DTD1: variants seen among roughly 807,000 people sequenced by gnomAD.
DTD1 encodes D-aminoacyl-tRNA deacylase 1.
A neutral mutation model predicts 25.6 loss-of-function variants in DTD1; 13 were observed. The observed-to-expected ratio is 0.51, with a 90% CI of 0.33 to 0.81. DTD1 has a LOEUF of 0.81. Among genes scored for constraint, DTD1 ranks in the 30% least tolerant of loss-of-function variants. DTD1 has a pLI of 0.02. For missense variants in DTD1, 193 were observed against 266.4 expected (o/e 0.72, Z 1.92); for synonymous variants, 110 against 103.6 (o/e 1.06, Z -0.37).
chr20:18,627,658 C>T (rs571267379), intron 3 of DTD1, among the ~76,000 whole-genome samples: 1 of 152,300 alleles, frequency 6.6e-6, no homozygotes, highest in Admixed American at 6.5e-5. Flanking sequence ...CCCACTGTGA[C>T]CCGGGTTTTG....
At chr20:18,712,725 C>T (rs921183965) in intron 4 of DTD1, among the ~76,000 whole-genome samples, 1 of 152,222 alleles carries the variant, frequency 6.6e-6, no homozygotes, top group African/African-American at 2.4e-5. Context: ...GATCCACAAG[C>T]TTACCGGATA....
intron 3 of DTD1, among the ~76,000 whole-genome samples, chr20:18,619,285 A>G (rs958927230): frequency 5.9e-5 from 9 of 152,162 alleles, no homozygotes; most frequent in Admixed American, 6.6e-5. Flanking sequence ...TGGGTAGACA[A>G]TTTTGATCCC....
chr20:18,661,808 G>A (rs898374979), intron 4 of DTD1, among the ~76,000 whole-genome samples: 2 of 152,202 alleles, frequency 1.3e-5, no homozygotes, highest in African/African-American at 2.4e-5. Context: ...AGGAAACGGA[G>A]AAAAGGCTGA....
intron 2 of DTD1, 60 bp from the exon 3 acceptor site, chr20:18,595,946 G>A (rs2060609203): frequency 1.4e-6 from 2 of 1,443,774 alleles, no homozygotes; most frequent in Admixed American, 1.7e-5. Flanking sequence ...TTTGGGGTAT[G>A]GAGTGTGTTG....
At chr20:18,717,263 A>T (rs960455153) in intron 4 of DTD1, among the ~76,000 whole-genome samples, 2 of 152,228 alleles carry the variant, frequency 1.3e-5, no homozygotes, top group Non-Finnish European at 2.9e-5. Context: ...TCACCATAGT[A>T]GTAACAGGAA....
rs764259714 is a variant in DTD1 at position 18,763,714 on chromosome 20, C to G, written c.*374C>G. The G allele has an allele frequency of 6.6e-6, 1 of 152,510 alleles. No individual in the cohort carries two copies. The highest frequency in any genetic ancestry group is 2.4e-5 in the African/African-American group (1 of 41,448). The allele number at this position is 152,510 out of a possible 1,614,324, so 9.4% of individuals were successfully genotyped here. A position where few individuals can be genotyped will look rare whatever the true frequency, so the allele number is the denominator to read the frequency against. ...ATCAAGTCCACTGTGGTGTATTCTG[C>G]GTGTCCATGGCGGGGGTTCTCCAAT... On this transcript the variant is annotated 3_prime_UTR_variant, in exon 6 of 6. Transcript: ENST00000377452.
In DTD1 at chr20:18,749,347, G is replaced by C. The variant is rs117938007; in HGVS notation, c.*19+5076G>C. On this transcript the variant is annotated intron_variant, in intron 5 of 5. Transcript: ENST00000377452. This position sits in a 1 kb window ranked among gnomAD's most constrained non-coding sequence, Gnocchi z 4.2. ...TCAGCATCGCCGTGGGGTGGGGAAGGCTCCAGAGGGTGTTCTCTGCCTGGT... is the reference window on the plus strand; with the variant it reads ...TCAGCATCGCCGTGGGGTGGGGAAGCCTCCAGAGGGTGTTCTCTGCCTGGT... Among the ~76,000 whole-genome samples, 488 of 152,302 alleles carry C rather than the reference G, an allele frequency of 3.2e-3. 3 individuals are homozygous for C. Among genetic ancestry groups the C allele is most frequent in the Non-Finnish European group, 4.2e-3 (287 of 68,024 alleles).
intron 5 of DTD1, among the ~76,000 whole-genome samples, chr20:18,760,938 G>C (rs920198877): frequency 6.6e-6 from 1 of 152,128 alleles, no homozygotes; most frequent in East Asian, 1.9e-4. Flanking sequence ...GCAATGGTGG[G>C]CGCCCCTCCC....
chr20:18,730,089 A>G (rs558017354), intron 4 of DTD1, among the ~76,000 whole-genome samples: 16 of 152,222 alleles, frequency 1.1e-4, no homozygotes, highest in African/African-American at 3.9e-4. Context: ...ATGCTTTTTA[A>G]TGATGAAGAG....
intron 5 of DTD1, among the ~76,000 whole-genome samples, chr20:18,745,801 A>T (rs919310758): frequency 1.3e-5 from 2 of 152,132 alleles, no homozygotes; most frequent in African/African-American, 4.8e-5. Context: ...ACCCTGAGGA[A>T]TTTGGATTTT....
chr20:18,726,131 G>A (rs2061221586), intron 4 of DTD1, among the ~76,000 whole-genome samples: 1 of 152,216 alleles, frequency 6.6e-6, no homozygotes, highest in South Asian at 2.1e-4. Context: ...TTAGGGATGT[G>A]TCTGAATTTA....
chr20:18,659,527 A>G (rs1382017919), intron 4 of DTD1, among the ~76,000 whole-genome samples: 1 of 152,186 alleles, frequency 6.6e-6, no homozygotes, highest in African/African-American at 2.4e-5. Context: ...TAATTTTTTA[A>G]ATGTTGTCTT....
chr20:18,755,994 T>G (rs1368347469), intron 5 of DTD1, among the ~76,000 whole-genome samples: 2 of 152,072 alleles, frequency 1.3e-5, no homozygotes, highest in Non-Finnish European at 2.9e-5. Context: ...CTCATTGTGG[T>G]TTTGATTTGC....
chr20:18,751,725 C>T (rs1036347250), intron 5 of DTD1, among the ~76,000 whole-genome samples: 2 of 151,962 alleles, frequency 1.3e-5, no homozygotes, highest in Non-Finnish European at 2.9e-5. Context: ...AACTGCTGGC[C>T]GCAAGTGATC....
At chr20:18,588,224 C>G in intron 1 of DTD1, 109 bp downstream of exon 1, 1 of 1,034,514 alleles carries the variant, frequency 9.7e-7, no homozygotes. Context: ...GCGGCCCCTC[C>G]GCGAGCCTGG....
chr20:18,662,174 C>T (rs1267237697), intron 4 of DTD1, among the ~76,000 whole-genome samples: 1 of 152,102 alleles, frequency 6.6e-6, no homozygotes, highest in African/African-American at 2.4e-5. Flanking sequence ...TGTGAAAAGA[C>T]GTTCAGTTTT....
rs117305481 is a variant in DTD1, at chr20:18,625,308, A to G, written c.371-2819A>G. ...GGGCCTGTAATACACCCATTTGCTGACAAAACAGATATTTTCACCACCAAG... is the reference window on the plus strand; with the variant it reads ...GGGCCTGTAATACACCCATTTGCTGGCAAAACAGATATTTTCACCACCAAG... On this transcript the variant is annotated intron_variant, in intron 3 of 5. Transcript: ENST00000377452. 5.3e-5 allele frequency among the ~76,000 whole-genome samples: 8 copies of G among 152,372 alleles called. No homozygotes were observed. In the East Asian group the frequency reaches 1.4e-3, roughly 26 times the overall value.
In DTD1 at chr20:18,598,731, G is replaced by A. The variant is rs140003545; in HGVS notation, c.370+2490G>A. Among the ~76,000 whole-genome samples the A allele has an allele frequency of 6.0e-3, 905 of 150,000 alleles. 10 individuals carry two copies. Among genetic ancestry groups the A allele is most frequent in the African/African-American group, 0.021 (865 of 40,740 alleles). On this transcript the variant is annotated intron_variant, in intron 3 of 5. Transcript: ENST00000377452. ...TTACCATGTTAGCTAGGATGGTCTC[G>A]ATCTCCTGACCTCGTGATCTGCCTG...
chr20:18,761,183 C>T (rs576173196), intron 5 of DTD1, among the ~76,000 whole-genome samples: 31 of 152,196 alleles, frequency 2.0e-4, no homozygotes, highest in Middle Eastern at 6.8e-3. Context: ...TTGCGCTTCC[C>T]GGGCGAGGCG....
Sources: allele counts gnomAD v4.1 joint callset (sites outside exome capture counted in the v4.1 genomes callset), GRCh38; gene constraint gnomAD v4.1.1; non-coding constraint Gnocchi (gnomAD v3.1); transcripts MANE v1.5; gene names NCBI Gene and HGNC (gene_info 2026-07-23, HGNC 2026-07-21).